The following LAMA2 variants were observed in gnomAD, a reference collection of about 807,000 sequenced individuals.
The protein encoded by LAMA2 is laminin subunit alpha-2.
LAMA2 carries 269 observed loss-of-function variants against 364.8 expected under a neutral mutation model. The ratio of observed to expected loss-of-function variants is 0.74; its 90% CI spans 0.67 to 0.82. The LOEUF (loss-of-function observed/expected upper bound fraction) is 0.82. Ranked by LOEUF, LAMA2 falls within the 40% of genes least tolerant of loss-of-function variation. The pLI, the probability that LAMA2 is intolerant of heterozygous loss-of-function variation, is 0.00. For synonymous variants in LAMA2, 1,379 were observed against 1,370.6 expected (o/e 1.01, Z -0.14); for missense variants, 3,807 against 3,873.2 (o/e 0.98, Z 0.45).
chr6:129,364,403 A>T (rs1347858715), intron 32 of LAMA2, among the ~76,000 whole-genome samples: 1 of 152,074 alleles, frequency 6.6e-6, no homozygotes, highest in Non-Finnish European at 1.5e-5. Context: ...CCCTATTCTA[A>T]CATGTATATA....
At chr6:129,374,948 A>G (rs1778289628) in intron 34 of LAMA2, among the ~76,000 whole-genome samples, 1 of 151,566 alleles carries the variant, frequency 6.6e-6, no homozygotes, top group African/African-American at 2.4e-5. Flanking sequence ...CACTTGATAC[A>G]GTCTTTAGAT....
chr6:129,362,401 A>T (rs1562493978), intron 32 of LAMA2, among the ~76,000 whole-genome samples: 1 of 151,678 alleles, frequency 6.6e-6, no homozygotes, highest in Non-Finnish European at 1.5e-5. Flanking sequence ...GCCAACCCCA[A>T]CCTCTTCCCT....
intron 9 of LAMA2, among the ~76,000 whole-genome samples, chr6:129,166,890 C>A (rs556048718): frequency 6.6e-6 from 1 of 152,252 alleles, no homozygotes; most frequent in South Asian, 2.1e-4. Context: ...GCTTCAGCAC[C>A]TAAATAACAC....
chr6:128,934,807 C>G (rs1001666991), intron 1 of LAMA2, among the ~76,000 whole-genome samples: 1 of 152,134 alleles, frequency 6.6e-6, no homozygotes, highest in Non-Finnish European at 1.5e-5. Flanking sequence ...CTACACCCGG[C>G]CATTTTTTCT....
intron 1 of LAMA2, chr6:128,929,283 G>A (rs990233364): frequency 2.7e-5 from 36 of 1,316,660 alleles, no homozygotes; most frequent in Non-Finnish European, 3.5e-5. Context: ...TCATTGATGC[G>A]GATCCCTGCC....
At chr6:129,364,983 G>C (rs1228018439) in intron 32 of LAMA2, among the ~76,000 whole-genome samples, 1 of 152,140 alleles carries the variant, frequency 6.6e-6, no homozygotes, top group South Asian at 2.1e-4. Context: ...TGAGAACTCT[G>C]TCATGAGAAC....
chr6:129,403,593 G>T (rs764753811), intron 39 of LAMA2, among the ~76,000 whole-genome samples: 7 of 152,132 alleles, frequency 4.6e-5, no homozygotes, highest in Admixed American at 2.0e-4. Flanking sequence ...GATGCTATGG[G>T]TATTTAAGAT....
At chr6:128,936,764 A>C (rs1055449363) in intron 1 of LAMA2, among the ~76,000 whole-genome samples, 3 of 152,170 alleles carry the variant, frequency 2.0e-5, no homozygotes, top group Non-Finnish European at 4.4e-5. Context: ...GGCCACCATG[A>C]TTAGATGAAA....
In LAMA2 at chr6:129,287,904, C is replaced by A. The variant is rs1789391655; in HGVS notation, c.2595C>A (p.Cys865Ter). ...TACCTGGAGGATCATGTCAGCCATGCCAATGCAATGACAACCTTGACTTCT... is the reference window on the plus strand; with the variant it reads ...TACCTGGAGGATCATGTCAGCCATGACAATGCAATGACAACCTTGACTTCT... ...PSVPGGSCQP[C>*]QCNDNLDFSI... The change falls in exon 19 of 65, where the codon TGC (cysteine) becomes TGA (stop). Residue 865 changes from cysteine (C) to a stop codon, truncating the protein, a stop_gained. Transcript: ENST00000421865. LOFTEE classifies it high-confidence loss of function. 6.2e-7 allele frequency: 1 copy of A among 1,614,006 alleles called. No individual in the cohort carries two copies. The highest frequency in any genetic ancestry group is 1.1e-5 in the South Asian group (1 of 91,088).
intron 37 of LAMA2, among the ~76,000 whole-genome samples, chr6:129,398,157 T>G (rs2114685515): frequency 6.6e-6 from 1 of 152,318 alleles, no homozygotes; most frequent in African/African-American, 2.4e-5. Context: ...ATCCATTAAT[T>G]CAAACAAGCC....
intron 32 of LAMA2, among the ~76,000 whole-genome samples, chr6:129,365,848 T>C (rs1442266800): frequency 6.6e-6 from 1 of 152,108 alleles, no homozygotes; most frequent in Non-Finnish European, 1.5e-5. Flanking sequence ...TGTGGACAGG[T>C]TCCTTTCGAT....
intron 22 of LAMA2, among the ~76,000 whole-genome samples, chr6:129,305,730 T>G (rs576220882): frequency 1.3e-5 from 2 of 152,270 alleles, no homozygotes; most frequent in African/African-American, 4.8e-5. Context: ...ATTTGAGGAG[T>G]TAAATCATTT....
chr6:129,287,808 GT>G, intron 18 of LAMA2, 38 bp from the exon 19 acceptor site: 1 of 1,507,448 alleles, frequency 6.6e-7, no homozygotes, highest in Non-Finnish European at 9.2e-7. Flanking sequence ...CCCAACTGAG[GT>G]CCCCCCAAAG....
intron 14 of LAMA2, among the ~76,000 whole-genome samples, chr6:129,256,763 CATATATATATATATATATAT>C (rs199726173): frequency 4.7e-4 from 41 of 87,956 alleles, no homozygotes; most frequent in East Asian, 1.5e-3. Flanking sequence ...AATTATATAG[CATATATATATATATATATAT>C]ATATATATAT....
At position 129,060,334 on chromosome 6, in the gene LAMA2, A is replaced by G. The variant is rs147456074; in HGVS notation, c.396+438A>G. Among the ~76,000 whole-genome samples the G allele has an allele frequency of 5.0e-3, 760 of 152,332 alleles. 5 individuals are homozygous for G. Among genetic ancestry groups the G allele is most frequent in the Non-Finnish European group, 8.1e-3 (548 of 68,034 alleles). On this transcript the variant is annotated intron_variant, in intron 3 of 64. Transcript: ENST00000421865. ...GCCTCTCATTACTGAGAGCTGAGAA[A>G]GTTTTGACAGTTGCTTTCAAGTTAA...
chr6:129,446,815 A>G (rs996672984), intron 45 of LAMA2, among the ~76,000 whole-genome samples: 1 of 152,092 alleles, frequency 6.6e-6, no homozygotes, highest in Non-Finnish European at 1.5e-5. Flanking sequence ...CACATCTAAC[A>G]CTTCTAAACA....
At chr6:129,509,834 C>G (rs1325794500) in intron 62 of LAMA2, among the ~76,000 whole-genome samples, 2 of 151,896 alleles carry the variant, frequency 1.3e-5, no homozygotes, top group Non-Finnish European at 2.9e-5. Context: ...TGTGGCTATT[C>G]TGGGTTTCAT....
At chr6:129,397,765 A>T (rs953232838) in intron 37 of LAMA2, among the ~76,000 whole-genome samples, 6 of 150,610 alleles carry the variant, frequency 4.0e-5, no homozygotes, top group African/African-American at 9.8e-5. Context: ...AATGAAAATT[A>T]AAAAAAAATA....
chr6:129,158,675 G>A (rs1266897920), intron 8 of LAMA2: 3 of 1,614,012 alleles, frequency 1.9e-6, no homozygotes, highest in East Asian at 2.2e-5. Context: ...ATCGAATGCT[G>A]CCATCAAAAA....
Sources: gnomAD v4.1 joint callset for allele counts (sites outside exome capture counted in the v4.1 genomes callset) on GRCh38, gnomAD v4.1.1 for gene constraint, MANE v1.5 for transcripts, NCBI Gene and HGNC (gene_info 2026-07-23, HGNC 2026-07-21) for gene names.